Variants in COL4A2 observed in about 807,000 individuals in gnomAD.
The protein encoded by COL4A2 is collagen type IV alpha 2 chain.
COL4A2 carries 99 observed loss-of-function variants against 200.2 expected under a neutral mutation model. The ratio of observed to expected loss-of-function variants is 0.49; its 90% CI spans 0.42 to 0.58. The LOEUF is 0.58. COL4A2 is among the 20% of genes least tolerant of loss of function. The pLI, the probability that COL4A2 is intolerant of heterozygous loss-of-function variation, is 0.00. For missense variants in COL4A2, 1,950 were observed against 2,314.1 expected, an observed-to-expected ratio of 0.84 and a Z score of 3.23; for synonymous variants, 897 against 900.6, an observed-to-expected ratio of 1.00 and a Z score of 0.07.
chr13:110,489,304 C>A, intron 34 of COL4A2, 141 bp from the exon 35 acceptor site: 2 of 779,078 alleles, frequency 2.6e-6, no homozygotes, highest in Non-Finnish European at 4.3e-6. Flanking sequence ...CACTAAAAAA[C>A]ACGAGTTTTC....
chr13:110,430,216 T>C, intron 8 of COL4A2, 185 bp from the exon 9 acceptor site: 1 of 748,158 alleles, frequency 1.3e-6, no homozygotes, highest in Non-Finnish European at 1.9e-6. Flanking sequence ...TAAATATTAA[T>C]ATTACTAAAA....
chr13:110,462,140 C>G lies in COL4A2; in HGVS notation c.1623C>G (p.Pro541=), dbSNP rs567530451. Residue 541 remains proline (P), a synonymous_variant, in exon 23 of 48, where the codon CCC becomes CCG. Transcript: ENST00000360467. ...LKGVPGNIGA[P]GPKGAKGDSR... Reference sequence around the variant, plus strand: ...GAGTGCCTGGCAACATTGGTGCTCCCGGACCCAAAGGAGCAAAAGGAGATT... The same window carrying G: ...GAGTGCCTGGCAACATTGGTGCTCCGGGACCCAAAGGAGCAAAAGGAGATT... 6.2e-7 allele frequency: 1 copy of G among 1,614,246 alleles called. No homozygotes were observed. The highest frequency in any genetic ancestry group is 1.3e-5 in the African/African-American group (1 of 75,068).
At chr13:110,416,189 G>A (rs1880036107) in intron 4 of COL4A2, among the ~76,000 whole-genome samples, 1 of 152,236 alleles carries the variant, frequency 6.6e-6, no homozygotes, top group African/African-American at 2.4e-5. Flanking sequence ...GATGCTCTGA[G>A]CATTGACACA....
intron 24 of COL4A2, among the ~76,000 whole-genome samples, chr13:110,465,204 G>T (rs1882189279): frequency 6.6e-6 from 1 of 152,158 alleles, no homozygotes; most frequent in Non-Finnish European, 1.5e-5. Context: ...GGCTTCCGTG[G>T]CATTGCTTAG....
chr13:110,380,291 A>T (rs914461406), intron 4 of COL4A2, among the ~76,000 whole-genome samples: 1 of 152,146 alleles, frequency 6.6e-6, no homozygotes, highest in South Asian at 2.1e-4. Context: ...AATTTTATTT[A>T]GACTTTTCTC....
In COL4A2 at chr13:110,408,681, C is replaced by T. The variant is rs1261123485; in HGVS notation, c.181-16053C>T. On this transcript the variant is annotated intron_variant, in intron 4 of 47. Transcript: ENST00000360467. Reference sequence around the variant, plus strand: ...GGGCGTGGACACAGAGAGAAAGCGCCAAACATCCTTGCGGCATTGCTCCTG... The same window carrying T: ...GGGCGTGGACACAGAGAGAAAGCGCTAAACATCCTTGCGGCATTGCTCCTG... Among the ~76,000 whole-genome samples the T allele has an allele frequency of 2.0e-5, 3 of 152,140 alleles. No individual in the cohort carries two copies. In the East Asian group the frequency reaches 5.8e-4, roughly 29 times the overall value.
chr13:110,434,565 C>A, intron 12 of COL4A2, 123 bp downstream of exon 12: 1 of 947,130 alleles, frequency 1.1e-6, no homozygotes, highest in Non-Finnish European at 1.6e-6. Context: ...GCAGACAGAC[C>A]ATTTGCATAG....
chr13:110,422,602 A>G (rs1880296861), intron 4 of COL4A2, among the ~76,000 whole-genome samples: 1 of 151,986 alleles, frequency 6.6e-6, no homozygotes, highest in Non-Finnish European at 1.5e-5. Context: ...TGTCTCTAAA[A>G]CTCTGACTTC....
intron 41 of COL4A2, chr13:110,502,447 C>T (rs1467831412): frequency 2.6e-5 from 4 of 152,632 alleles, no homozygotes; most frequent in Non-Finnish European, 5.8e-5. Flanking sequence ...GCCTCAGCCT[C>T]CTGAGTAGCT....
intron 4 of COL4A2, among the ~76,000 whole-genome samples, chr13:110,368,521 TAGAA>T (rs752869198): frequency 7.9e-5 from 12 of 152,140 alleles, no homozygotes; most frequent in Admixed American, 1.3e-4. Context: ...AGAAAATAAA[TAGAA>T]AGAGAGGTTT....
intron 41 of COL4A2, among the ~76,000 whole-genome samples, chr13:110,502,237 C>G (rs1307771859): frequency 6.6e-6 from 1 of 152,220 alleles, no homozygotes; most frequent in Non-Finnish European, 1.5e-5. Context: ...GAAAGCAACC[C>G]GAGTGTCCAT....
intron 30 of COL4A2, 125 bp downstream of exon 30, chr13:110,478,289 C>T (rs1882770513): frequency 3.4e-6 from 3 of 890,378 alleles, no homozygotes; most frequent in Non-Finnish European, 3.1e-6. Context: ...TGCAGGGGTT[C>T]CCAAACCAGA....
chr13:110,308,266 G>C, intron 3 of COL4A2, 143 bp downstream of exon 3: 1 of 890,886 alleles, frequency 1.1e-6, no homozygotes, highest in Non-Finnish European at 1.7e-6. Flanking sequence ...CCAAGGTTCT[G>C]AGAAAGCTTG....
chr13:110,327,973 G>A (rs565727587), intron 3 of COL4A2, among the ~76,000 whole-genome samples: 1 of 152,162 alleles, frequency 6.6e-6, no homozygotes, highest in Non-Finnish European at 1.5e-5. Flanking sequence ...TTTATGAAAG[G>A]TTTTTTAAAT....
rs115450051 is a variant in COL4A2, at chr13:110,375,895, G to A, written c.180+18343G>A. On this transcript the variant is annotated intron_variant, in intron 4 of 47. Coordinates refer to ENST00000360467, the MANE Select transcript of COL4A2 (RefSeq NM_001846.4). ...CTACATCTTTATACAGGAGTGGTCC[G>A]TACAAGTTTTTATTCATTTAATTTT... is the stretch of plus-strand genomic sequence containing the variant. Among the ~76,000 whole-genome samples the A allele has an allele frequency of 1.5e-3, 225 of 152,014 alleles. 1 individual carries two copies. Among genetic ancestry groups the A allele is most frequent in the Middle Eastern group, 6.8e-3 (2 of 294 alleles).
chr13:110,420,509 T>C (rs190774685), intron 4 of COL4A2, among the ~76,000 whole-genome samples: 7 of 152,252 alleles, frequency 4.6e-5, no homozygotes, highest in African/African-American at 1.7e-4. Flanking sequence ...CTCAAGGATG[T>C]TGGAGGAATA....
In COL4A2 at chr13:110,512,472, G is replaced by A. The variant is rs990930026; in HGVS notation, c.*281G>A. 27 of 508,446 alleles carry A rather than the reference G, an allele frequency of 5.3e-5. No individual in the cohort carries two copies. The highest frequency in any genetic ancestry group is 2.9e-4 in the African/African-American group (15 of 52,070). The allele number at this position is 508,446 out of a possible 1,614,324, so 31.5% of individuals were successfully genotyped here. ...GCCTGAAGGCACAGCTAACCACTTC[G>A]CACACACCCATGTAACCACTGCACT... is the stretch of plus-strand genomic sequence containing the variant. On this transcript the variant is annotated 3_prime_UTR_variant, in exon 48 of 48. Transcript: ENST00000360467.
At chr13:110,465,641 C>G (rs1367008845) in intron 25 of COL4A2, 35 bp downstream of exon 25, 1 of 1,526,480 alleles carries the variant, frequency 6.6e-7, no homozygotes, top group Non-Finnish European at 8.9e-7. Context: ...CTTTCACAGT[C>G]CTGAGACATT....
At chr13:110,326,095 A>T (rs1193182832) in intron 3 of COL4A2, among the ~76,000 whole-genome samples, 1 of 152,060 alleles carries the variant, frequency 6.6e-6, no homozygotes, top group Non-Finnish European at 1.5e-5. Context: ...CCCGAATTTC[A>T]TTTTAAGTCA....
Sources: gnomAD v4.1 joint callset for allele counts (sites outside exome capture counted in the v4.1 genomes callset) on GRCh38, gnomAD v4.1.1 for gene constraint, MANE v1.5 for transcripts, NCBI Gene and HGNC (gene_info 2026-07-23, HGNC 2026-07-21) for gene names.